Variants in ATP11C observed in about 807,000 individuals in gnomAD.
ATP11C encodes ATPase phospholipid transporting 11C (ATP11C blood group).
In ATP11C, 36 loss-of-function variants were observed where a neutral mutation model predicts 97.4. The ratio of observed to expected loss-of-function variants is 0.37; its 90% CI spans 0.28 to 0.49. The LOEUF (loss-of-function observed/expected upper bound fraction) is 0.49, where lower values mean the gene tolerates loss of function less well. ATP11C is among the 20% of genes least tolerant of loss of function. The probability of loss-of-function intolerance (pLI) is 0.98; values close to 1 mark genes in which losing one functional copy is unlikely to be tolerated. For synonymous variants in ATP11C, 275 were observed against 290.9 expected (o/e 0.95, Z 0.56); for missense variants, 730 against 824.6 (o/e 0.89, Z 1.40).
chrX:139,899,856 A>C (rs1268263636), intron 1 of ATP11C, among the ~76,000 whole-genome samples: 8 of 111,860 alleles, frequency 7.2e-5, no homozygotes, highest in African/African-American at 2.0e-4. Context: ...ACAAGAAAGA[A>C]ACCTGCAATT....
At chrX:139,782,840 C>T (rs2082492495) in intron 17 of ATP11C, 112 bp from the exon 18 acceptor site, 4 of 514,057 alleles carry the variant, frequency 7.8e-6, no homozygotes, top group Non-Finnish European at 1.2e-5. Context: ...AATTCTGACA[C>T]ATATTTAGTC....
At chrX:139,925,727 C>T (rs1167707549) in intron 1 of ATP11C, among the ~76,000 whole-genome samples, 5 of 111,110 alleles carry the variant, frequency 4.5e-5, no homozygotes, top group South Asian at 3.8e-4. Flanking sequence ...ATAATAGAGA[C>T]GTCTAAAAAA....
intron 1 of ATP11C, among the ~76,000 whole-genome samples, chrX:139,920,087 C>T (rs368976782): frequency 4.5e-5 from 5 of 111,222 alleles, no homozygotes; most frequent in African/African-American, 1.6e-4. Context: ...AGTCCGGGCG[C>T]GGTGGCTCAC....
chrX:139,792,959 C>G (rs370019355), intron 12 of ATP11C, among the ~76,000 whole-genome samples: 3 of 111,888 alleles, frequency 2.7e-5, no homozygotes, highest in African/African-American at 9.8e-5. Flanking sequence ...CAACTTAAAG[C>G]TGGTCGATCA....
At chrX:139,822,261 T>C (rs775883792) in intron 2 of ATP11C, among the ~76,000 whole-genome samples, 9 of 112,412 alleles carry the variant, frequency 8.0e-5, no homozygotes, top group Admixed American at 7.5e-4. Context: ...CGGTAGCGCG[T>C]TCCCAGCTCA....
At position 139,763,464 on chromosome X, in the gene ATP11C, T is replaced by A. The variant is rs372007813; in HGVS notation, c.2392-46A>T. On this transcript the variant is annotated intron_variant, in intron 20 of 29. Transcript: ENST00000682941. ...AGGTGTAAAAAAGGTCAAAGAAGAATGTAAGACTGGGCTACTTTAGGGGTT... is the reference window on the plus strand; with the variant it reads ...AGGTGTAAAAAAGGTCAAAGAAGAAAGTAAGACTGGGCTACTTTAGGGGTT... The A allele has an allele frequency of 5.8e-5, 58 of 999,637 alleles. 1 individual carries two copies. The highest frequency in any genetic ancestry group is 7.2e-5 in the Non-Finnish European group (51 of 709,638). 82.4% of individuals were successfully genotyped at this position (999,637 alleles called of 1,213,427 possible).
At chrX:139,846,855 T>A (rs1237239672) in intron 1 of ATP11C, among the ~76,000 whole-genome samples, 4 of 109,264 alleles carry the variant, frequency 3.7e-5, no homozygotes, top group Non-Finnish European at 7.6e-5. Flanking sequence ...AAGGAAACGG[T>A]TGGTGGAAGC....
chrX:139,854,934 A>G (rs888380950), intron 1 of ATP11C, among the ~76,000 whole-genome samples: 1 of 112,193 alleles, frequency 8.9e-6, no homozygotes, highest in African/African-American at 3.2e-5. Flanking sequence ...AAAAACACAA[A>G]GGGTTTTTCT....
intron 25 of ATP11C, among the ~76,000 whole-genome samples, chrX:139,744,414 T>G (rs965329898): frequency 8.9e-6 from 1 of 111,916 alleles, no homozygotes; most frequent in Non-Finnish European, 1.9e-5. Flanking sequence ...ATTTGGACTT[T>G]ATGAACTCAA....
chrX:139,767,583 T>A (rs2082164157), intron 20 of ATP11C, among the ~76,000 whole-genome samples: 1 of 111,442 alleles, frequency 9.0e-6, no homozygotes. Flanking sequence ...AGCACACAGG[T>A]AGAAATAGAA....
intron 1 of ATP11C, among the ~76,000 whole-genome samples, chrX:139,868,978 G>T (rs974720950): frequency 1.8e-5 from 2 of 112,185 alleles, no homozygotes; most frequent in Non-Finnish European, 3.8e-5. Context: ...AAATGTGTCA[G>T]TGAGGATGTG....
intron 1 of ATP11C, among the ~76,000 whole-genome samples, chrX:139,879,145 T>C (rs750891561): frequency 5.4e-5 from 6 of 110,296 alleles, no homozygotes; most frequent in Non-Finnish European, 1.1e-4. Flanking sequence ...ACTATAAATG[T>C]AGGCCTGAGA....
At chrX:139,775,075 C>G in intron 18 of ATP11C, 122 bp from the exon 19 acceptor site, 1 of 713,541 alleles carries the variant, frequency 1.4e-6, no homozygotes, top group South Asian at 4.4e-5. Context: ...CACCTTATCA[C>G]GGTTGACTTT....
intron 23 of ATP11C, among the ~76,000 whole-genome samples, chrX:139,754,110 T>C (rs1386532968): frequency 9.1e-6 from 1 of 109,535 alleles, no homozygotes; most frequent in East Asian, 2.9e-4. Context: ...AAGAGAAAAT[T>C]CAAATAAACA....
In ATP11C at chrX:139,774,783, C is replaced by A; in HGVS notation, c.2123G>T (p.Ser708Ile). The change falls in exon 19 of 30, where the codon AGT becomes ATT. Residue 708 changes from serine to isoleucine, a missense_variant. By Grantham distance (142) the Ser-to-Ile change is moderately radical. Transcript: ENST00000682941. ...ATGTAATCGATCTTCTTTCCTTTCACTTTCTTCAATGGTTTTTGTGGTTAG... is the reference window on the plus strand; with the variant it reads ...ATGTAATCGATCTTCTTTCCTTTCAATTTCTTCAATGGTTTTTGTGGTTAG... Reference protein sequence around the residue: ...LELTTKTIEESERKEDRLHEL... With the variant: ...LELTTKTIEEIERKEDRLHEL... The A allele has an allele frequency of 8.3e-7, 1 of 1,211,732 alleles. No homozygotes were observed. The highest frequency in any genetic ancestry group is 1.1e-6 in the Non-Finnish European group (1 of 895,333).
chrX:139,809,501 G>A (rs1483045759), intron 5 of ATP11C, among the ~76,000 whole-genome samples: 1 of 112,102 alleles, frequency 8.9e-6, no homozygotes, highest in Non-Finnish European at 1.9e-5. Flanking sequence ...TAATAGAATA[G>A]AGGCCACAAG....
intron 1 of ATP11C, among the ~76,000 whole-genome samples, chrX:139,910,261 G>T (rs1446873019): frequency 9.0e-6 from 1 of 110,985 alleles, no homozygotes; most frequent in East Asian, 2.8e-4. Context: ...AGATCCCAAA[G>T]ATTCTTGGTG....
chrX:139,874,209 A>ATT (rs140962708), intron 1 of ATP11C, among the ~76,000 whole-genome samples: 78 of 81,974 alleles, frequency 9.5e-4, no homozygotes, highest in African/African-American at 2.9e-3. Flanking sequence ...TGCCTGGCTA[A>ATT]TTTTTTTTTT....
Position 139,826,671 on chromosome X carries a change from A to G in ATP11C, c.147+33T>C. 3.5e-6 allele frequency: 4 copies of G among 1,149,307 alleles called. No individual in the cohort carries two copies. In the South Asian group the frequency reaches 7.6e-5, roughly 22 times the overall value. The allele number at this position is 1,149,307 out of a possible 1,213,427, so 94.7% of individuals were successfully genotyped here. A position where few individuals can be genotyped will look rare whatever the true frequency, so the allele number is the denominator to read the frequency against. ...TAGAATGCATTATCTGATTCACTAT[A>G]TGAACATCTATTGAGTTAAAACAAA... On this transcript the variant is annotated intron_variant, in intron 2 of 29. Coordinates refer to ENST00000682941, the MANE Select transcript of ATP11C (RefSeq NM_001353812.2).
Sources: gnomAD v4.1 joint callset for allele counts (sites outside exome capture counted in the v4.1 genomes callset) on GRCh38, gnomAD v4.1.1 for gene constraint, MANE v1.5 for transcripts, NCBI Gene and HGNC (gene_info 2026-07-23, HGNC 2026-07-21) for gene names.